ZNF709: variants seen among roughly 807,000 people sequenced by gnomAD.
ZNF709 encodes zinc finger protein 709.
Under a neutral mutation model 10.6 loss-of-function variants are expected in ZNF709, and 15 were observed. That is an observed-to-expected ratio of 1.41 (90% confidence interval 0.95 to 2.18). The LOEUF is 2.18. Ranked by LOEUF, ZNF709 falls within the 30% of genes most tolerant of loss-of-function variation. The pLI is 0.00. For synonymous variants in ZNF709, 194 were observed against 238.8 expected (o/e 0.81, Z 1.73); for missense variants, 589 against 774.0 (o/e 0.76, Z 2.84).
At chr19:12,474,271 A>G (rs1970659212) in intron 1 of ZNF709, among the ~76,000 whole-genome samples, 1 of 152,210 alleles carries the variant, frequency 6.6e-6, no homozygotes, top group East Asian at 1.9e-4. Flanking sequence ...GATTACATAT[A>G]TAAGTGAGAC....
At chr19:12,484,448 G>T (rs1970760439) in intron 1 of ZNF709, among the ~76,000 whole-genome samples, 1 of 152,210 alleles carries the variant, frequency 6.6e-6, no homozygotes, top group Non-Finnish European at 1.5e-5. Flanking sequence ...GCCGCGCAGG[G>T]ACTTGACAAG....
Position 12,464,815 on chromosome 19 carries a change from A to T in ZNF709, c.1107T>A (p.Cys369Ter). 6.2e-7 allele frequency: 1 copy of T among 1,613,458 alleles called. No homozygotes were observed. ...TGNGPYKCKE[C>*]GKAFDCPSSF... ...AACTAGGACAATCAAAGGCTTTCCCACATTCCTTGCATTTATAAGGTCCAT... is the reference window on the plus strand; with the variant it reads ...AACTAGGACAATCAAAGGCTTTCCCTCATTCCTTGCATTTATAAGGTCCAT... The change falls in exon 4 of 4, where the codon TGT (cysteine) becomes TGA (stop). Residue 369 changes from cysteine to a stop codon, truncating the protein, a stop_gained. Coordinates refer to ENST00000397732, the MANE Select transcript of ZNF709 (RefSeq NM_152601.4). LOFTEE classifies it low-confidence loss of function (END_TRUNC).
At chr19:12,483,307 ATTTTTTTTT>A (rs35777030) in intron 1 of ZNF709, among the ~76,000 whole-genome samples, 20 of 95,232 alleles carry the variant, frequency 2.1e-4, no homozygotes, top group African/African-American at 6.8e-4. Flanking sequence ...CGCCCAGCTA[ATTTTTTTTT>A]TTTTTTTTTT....
At chr19:12,467,466 G>A (rs1258905046) in intron 1 of ZNF709, among the ~76,000 whole-genome samples, 1 of 152,218 alleles carries the variant, frequency 6.6e-6, no homozygotes, top group Non-Finnish European at 1.5e-5. Flanking sequence ...AGGCTGGAGT[G>A]CAGTGGCGTG....
At position 12,462,238 on chromosome 19, in the gene ZNF709, A is replaced by G. The variant is rs1432234621; in HGVS notation, c.*1758T>C. 6.6e-6 allele frequency: 1 copy of G among 152,196 alleles called. No homozygotes were observed. The highest frequency in any genetic ancestry group is 1.5e-5 in the Non-Finnish European group (1 of 68,036). The allele number at this position is 152,196 out of a possible 1,614,324, so 9.4% of individuals were successfully genotyped here. A position where few individuals can be genotyped will look rare whatever the true frequency, so the allele number is the denominator to read the frequency against. The stretch of plus-strand genomic sequence containing the variant: ...GGAAGCAGGTGTCCCTGAAGCTCCT[A>G]TGCATCCATCTGTCTCCACATATGG... On this transcript the variant is annotated 3_prime_UTR_variant, in exon 4 of 4. Transcript: ENST00000397732.
intron 1 of ZNF709, among the ~76,000 whole-genome samples, chr19:12,479,825 G>A (rs1446442524): frequency 6.6e-6 from 1 of 152,002 alleles, no homozygotes; most frequent in Non-Finnish European, 1.5e-5. Flanking sequence ...AGCTGAGATT[G>A]TGCCACTGCA....
rs998500678 is a variant in ZNF709 at position 12,463,299 on chromosome 19, G to A, written c.*697C>T. On this transcript the variant is annotated 3_prime_UTR_variant, in exon 4 of 4. Transcript: ENST00000397732. ...TCACAATGTCTATATTTAAGAAGTCGCTTTCCAGTGTGAGTTTGTTCATGG... is the reference window on the plus strand; with the variant it reads ...TCACAATGTCTATATTTAAGAAGTCACTTTCCAGTGTGAGTTTGTTCATGG... 3 of 152,186 alleles carry A rather than the reference G, an allele frequency of 2.0e-5. No individual in the cohort carries two copies. Among genetic ancestry groups the A allele is most frequent in the South Asian group, 4.1e-4 (2 of 4,834 alleles). 9.4% of individuals were successfully genotyped at this position (152,186 alleles called of 1,614,324 possible).
chr19:12,465,807 T>C lies in ZNF709; in HGVS notation c.189-74A>G, dbSNP rs375851299. On this transcript the variant is annotated intron_variant, in intron 3 of 3. Transcript: ENST00000397732. ...TTAATAATTTTATAATTATTGATTA[T>C]TTCACAATCATTAGTAGGTAGTAGA... The C allele has an allele frequency of 5.2e-5, 63 of 1,206,080 alleles. 1 individual carries two copies. In the African/African-American group the frequency reaches 5.9e-4, roughly 11 times the overall value. 74.7% of individuals were successfully genotyped at this position (1,206,080 alleles called of 1,614,324 possible). A position where few individuals can be genotyped will look rare whatever the true frequency, so the allele number is the denominator to read the frequency against.
intron 1 of ZNF709, among the ~76,000 whole-genome samples, chr19:12,482,138 T>G (rs867655184): frequency 2.3e-5 from 1 of 43,028 alleles, no homozygotes; most frequent in Admixed American, 2.2e-4. Flanking sequence ...ACCTCTAAAA[T>G]ACACACACAC....
At chr19:12,467,771 G>A (rs1268957081) in intron 1 of ZNF709, among the ~76,000 whole-genome samples, 2 of 151,104 alleles carry the variant, frequency 1.3e-5, no homozygotes, top group Non-Finnish European at 3.0e-5. Flanking sequence ...TGGGATGTGA[G>A]GAGTGCCTCT....
Position 12,463,041 on chromosome 19 carries a change from G to A in ZNF709, c.*955C>T, listed in dbSNP as rs975932782. On this transcript the variant is annotated 3_prime_UTR_variant, in exon 4 of 4. Coordinates refer to ENST00000397732, the MANE Select transcript of ZNF709 (RefSeq NM_152601.4). Reference sequence around the variant, plus strand: ...TTTTATCACATTTCTGACATGTTGTGAATTTTCTAGAACAATATACATGAA... The same window carrying A: ...TTTTATCACATTTCTGACATGTTGTAAATTTTCTAGAACAATATACATGAA... 1 of 152,152 alleles carries A rather than the reference G, an allele frequency of 6.6e-6. No homozygotes were observed. The highest frequency in any genetic ancestry group is 1.5e-5 in the Non-Finnish European group (1 of 68,032). 9.4% of individuals were successfully genotyped at this position (152,152 alleles called of 1,614,324 possible). A position where few individuals can be genotyped will look rare whatever the true frequency, so the allele number is the denominator to read the frequency against.
intron 3 of ZNF709, 58 bp from the exon 4 acceptor site, chr19:12,465,791 T>A: frequency 2.4e-6 from 3 of 1,242,116 alleles, no homozygotes; most frequent in Non-Finnish European, 3.2e-6. Flanking sequence ...ATTAATAATT[T>A]TATAATTATT....
intron 1 of ZNF709, among the ~76,000 whole-genome samples, chr19:12,482,704 C>T (rs1970739119): frequency 6.6e-6 from 1 of 152,166 alleles, no homozygotes; most frequent in African/African-American, 2.4e-5. Flanking sequence ...CAGCCAATCC[C>T]CCAACGTGCA....
intron 1 of ZNF709, among the ~76,000 whole-genome samples, chr19:12,482,728 C>T (rs563519757): frequency 3.8e-4 from 58 of 152,304 alleles, no homozygotes; most frequent in African/African-American, 1.3e-3. Flanking sequence ...AGATCCCCAG[C>T]TTTCCAGTGC....
At position 12,467,465 on chromosome 19, in the gene ZNF709, T is replaced by A. The variant is rs1200796931; in HGVS notation, c.4-615A>T. On this transcript the variant is annotated intron_variant, in intron 1 of 3. Transcript: ENST00000397732. ...GTGCTCAATGGTGCCCAGGCTGGAG[T>A]GCAGTGGCGTGATCTCGGCTCGCTA... 2.6e-5 allele frequency among the ~76,000 whole-genome samples: 4 copies of A among 152,176 alleles called. No individual in the cohort carries two copies. In the East Asian group the frequency reaches 7.7e-4, roughly 29 times the overall value.
chr19:12,466,422 C>G (rs1261821327), intron 3 of ZNF709, 40 bp downstream of exon 3: 1 of 1,553,732 alleles, frequency 6.4e-7, no homozygotes, highest in Non-Finnish European at 8.8e-7. Flanking sequence ...TGCTAAGATT[C>G]TCTCATAAGA....
chr19:12,465,539 C>T lies in ZNF709; in HGVS notation c.383G>A (p.Arg128Lys). The change falls in exon 4 of 4, where the codon AGA (arginine) becomes AAA (lysine). Residue 128 changes from arginine to lysine, a missense_variant. Arg to Lys is a conservative substitution (Grantham distance 26). This residue lies in a region of ZNF709 where 418 missense variants were observed against 496.3 expected (regional missense o/e 0.84). Coordinates refer to ENST00000397732, the MANE Select transcript of ZNF709 (RefSeq NM_152601.4). ...TCCATATTTGTGATATTCATATGAT[C>T]TATGTTCAGTATGAGATCTCATGTG... ...NRHMRSHTEHRSYEYHKYGEK... is the reference protein window; with the variant it reads ...NRHMRSHTEHKSYEYHKYGEK... 1.2e-6 allele frequency: 2 copies of T among 1,613,424 alleles called. No individual in the cohort carries two copies. Among genetic ancestry groups the T allele is most frequent in the Non-Finnish European group, 1.7e-6 (2 of 1,179,808 alleles).
chr19:12,471,744 CTG>C (rs1486739257), intron 1 of ZNF709, among the ~76,000 whole-genome samples: 4 of 152,212 alleles, frequency 2.6e-5, no homozygotes, highest in African/African-American at 4.8e-5. Flanking sequence ...AAGGGACACA[CTG>C]TTGTCTAACT....
At chr19:12,475,212 C>T (rs1381836055) in intron 1 of ZNF709, among the ~76,000 whole-genome samples, 4 of 140,258 alleles carry the variant, frequency 2.9e-5, no homozygotes, top group African/African-American at 1.1e-4. Flanking sequence ...GAGCCAAGAT[C>T]GCACCACTGT....
Sources: allele counts gnomAD v4.1 joint callset (sites outside exome capture counted in the v4.1 genomes callset), GRCh38; gene constraint gnomAD v4.1.1; regional missense constraint gnomAD v4.1.1; transcripts MANE v1.5; gene names NCBI Gene and HGNC (gene_info 2026-07-23, HGNC 2026-07-21).